The following CSMD1 variants were observed in gnomAD, a reference collection of about 807,000 sequenced individuals.
CSMD1 encodes the protein CUB and Sushi multiple domains 1.
Under a neutral mutation model 417.5 loss-of-function variants are expected in CSMD1, and 213 were observed. The ratio of observed to expected loss-of-function variants is 0.51; its 90% confidence interval spans 0.46 to 0.57. The LOEUF (loss-of-function observed/expected upper bound fraction) is 0.57, where lower values mean the gene tolerates loss of function less well. CSMD1 is among the 20% of genes least tolerant of loss of function. CSMD1 has a pLI of 0.00. For missense variants in CSMD1, 6,923 were observed against 4,529.7 expected (o/e 1.53, Z -15.17); for synonymous variants, 2,862 against 1,736.8 (o/e 1.65, Z -16.11).
intron 5 of CSMD1, among the ~76,000 whole-genome samples, chr8:3,939,922 CG>C (rs761124458): frequency 2.6e-5 from 4 of 151,994 alleles, no homozygotes; most frequent in Non-Finnish European, 5.9e-5. Context: ...GTAAACTTCT[CG>C]GATGACAGGT....
chr8:4,519,853 G>C lies in CSMD1; in HGVS notation c.303-99788C>G, dbSNP rs868326694. Among the ~76,000 whole-genome samples the C allele has an allele frequency of 2.1e-5, 3 of 144,434 alleles. No individual in the cohort carries two copies. The East Asian group carries it at 6.4e-4, about 31-fold the overall frequency. The allele number at this position is 144,434 out of a possible 152,430, so 94.8% of individuals were successfully genotyped here. A position where few individuals can be genotyped will look rare whatever the true frequency, so the allele number is the denominator to read the frequency against. On this transcript the variant is annotated intron_variant, in intron 2 of 69. Transcript: ENST00000635120. ...GCTGAGCTAGATCTTATAGGATGAC[G>C]AAATTCACTAGATTTGGTTCATGAG...
intron 4 of CSMD1, among the ~76,000 whole-genome samples, chr8:4,002,465 T>G (rs946306360): frequency 1.2e-4 from 19 of 152,224 alleles, no homozygotes; most frequent in African/African-American, 3.1e-4. Context: ...TGTTTCCTCT[T>G]AGATCTATGA....
At chr8:4,035,307 G>C (rs903239759) in intron 3 of CSMD1, among the ~76,000 whole-genome samples, 2 of 152,144 alleles carry the variant, frequency 1.3e-5, no homozygotes, top group Non-Finnish European at 2.9e-5. Flanking sequence ...GCATATGCTT[G>C]ATGATAATAG....
intron 12 of CSMD1, among the ~76,000 whole-genome samples, chr8:3,436,739 G>A (rs1381769208): frequency 6.6e-6 from 1 of 152,010 alleles, no homozygotes; most frequent in Admixed American, 6.6e-5. Context: ...CAACACATTG[G>A]CAATGAGCAT....
intron 5 of CSMD1, among the ~76,000 whole-genome samples, chr8:3,773,215 T>A (rs1161342235): frequency 2.0e-5 from 3 of 152,214 alleles, no homozygotes; most frequent in Admixed American, 2.0e-4. Flanking sequence ...TGTACTCACA[T>A]AATCTGTCAC....
At chr8:3,621,283 C>T (rs986092534) in intron 7 of CSMD1, among the ~76,000 whole-genome samples, 9 of 152,074 alleles carry the variant, frequency 5.9e-5, no homozygotes, top group Non-Finnish European at 4.4e-5. Flanking sequence ...TGGCAGGAGG[C>T]GTTGAATAGT....
In CSMD1 at chr8:4,314,407, A is replaced by C. The variant is rs182150014; in HGVS notation, c.415+105546T>G. Among the ~76,000 whole-genome samples the C allele has an allele frequency of 4.6e-4, 70 of 152,296 alleles. No individual in the cohort carries two copies. The South Asian group carries it at 6.2e-3, about 14-fold the overall frequency. On this transcript the variant is annotated intron_variant, in intron 3 of 69. Coordinates refer to ENST00000635120, the MANE Select transcript of CSMD1 (RefSeq NM_033225.6). ...CAGAGTTCACAGGCAAACTAACAGA[A>C]ATAAGTGTTCTATTTCAGGAAGCAG...
intron 3 of CSMD1, among the ~76,000 whole-genome samples, chr8:4,107,515 G>C (rs775668490): frequency 2.0e-5 from 3 of 152,216 alleles, no homozygotes; most frequent in African/African-American, 4.8e-5. Context: ...CATGTCTACA[G>C]CACTAATTGA....
intron 1 of CSMD1, among the ~76,000 whole-genome samples, chr8:4,916,103 G>C (rs1160755444): frequency 6.6e-6 from 1 of 152,220 alleles, no homozygotes; most frequent in Non-Finnish European, 1.5e-5. Context: ...AAGACAGGTG[G>C]TGCTTCAGCA....
intron 5 of CSMD1, among the ~76,000 whole-genome samples, chr8:3,936,335 G>A (rs1810491304): frequency 6.6e-6 from 1 of 152,150 alleles, no homozygotes; most frequent in Non-Finnish European, 1.5e-5. Flanking sequence ...TGTAAACAAA[G>A]CAGCCTTGTA....
At chr8:3,117,512 T>G (rs1394950516) in intron 42 of CSMD1, among the ~76,000 whole-genome samples, 3 of 152,168 alleles carry the variant, frequency 2.0e-5, no homozygotes, top group Admixed American at 6.6e-5. Flanking sequence ...GTCCACGGAG[T>G]TGGTAATTTC....
At chr8:4,067,076 G>T (rs1799290722) in intron 3 of CSMD1, among the ~76,000 whole-genome samples, 1 of 152,240 alleles carries the variant, frequency 6.6e-6, no homozygotes, top group African/African-American at 2.4e-5. Context: ...CTGAAATTCA[G>T]ACACAGAGAA....
chr8:4,899,805 G>C (rs1351353161), intron 1 of CSMD1, among the ~76,000 whole-genome samples: 2 of 152,092 alleles, frequency 1.3e-5, no homozygotes, highest in East Asian at 1.9e-4. Flanking sequence ...ACAGAATATA[G>C]AGGGCCTCAC....
At chr8:3,220,332 T>C (rs753890968) in intron 28 of CSMD1, among the ~76,000 whole-genome samples, 3 of 152,174 alleles carry the variant, frequency 2.0e-5, no homozygotes, top group Non-Finnish European at 4.4e-5. Context: ...TCTGCTCTAA[T>C]ATTAACATAC....
chr8:4,058,999 G>A (rs1050899310), intron 3 of CSMD1, among the ~76,000 whole-genome samples: 6 of 152,054 alleles, frequency 3.9e-5, no homozygotes, highest in African/African-American at 9.7e-5. Flanking sequence ...ATTCTTTTCA[G>A]AACCACACCA....
In CSMD1 at chr8:4,207,601, A is replaced by C. The variant is rs748789180; in HGVS notation, c.416-175502T>G. On this transcript the variant is annotated intron_variant, in intron 3 of 69. Transcript: ENST00000635120. ...ACTGAAATATTAGGTTTAATATTCA[A>C]TTCAGTAAGACTGGCAACATTTTCA... Among the ~76,000 whole-genome samples, 3 of 152,178 alleles carry C rather than the reference A, an allele frequency of 2.0e-5. No individual in the cohort carries two copies. In the South Asian group the frequency reaches 6.2e-4, roughly 31 times the overall value.
chr8:3,392,163 G>T (rs1811387364), intron 17 of CSMD1, among the ~76,000 whole-genome samples: 1 of 151,084 alleles, frequency 6.6e-6, no homozygotes, highest in Admixed American at 6.6e-5. Flanking sequence ...GTTAAATGAT[G>T]AGTTAATGGG....
chr8:3,618,622 A>G (rs1263029676), intron 7 of CSMD1, among the ~76,000 whole-genome samples: 1 of 152,204 alleles, frequency 6.6e-6, no homozygotes, highest in African/African-American at 2.4e-5. Flanking sequence ...ATAGTGAGAC[A>G]GAAAGCTCCA....
intron 3 of CSMD1, among the ~76,000 whole-genome samples, chr8:4,296,914 G>C (rs1214955786): frequency 6.6e-6 from 1 of 151,930 alleles, no homozygotes; most frequent in Non-Finnish European, 1.5e-5. Context: ...TTATATTCCT[G>C]TGCATGAGTG....
Sources: gnomAD v4.1 joint callset for allele counts (sites outside exome capture counted in the v4.1 genomes callset) on GRCh38, gnomAD v4.1.1 for gene constraint, MANE v1.5 for transcripts, NCBI Gene and HGNC (gene_info 2026-07-23, HGNC 2026-07-21) for gene names.